AIM2: variants seen among roughly 807,000 people sequenced by gnomAD.
AIM2 encodes the protein interferon-inducible protein AIM2.
AIM2 carries 30 observed loss-of-function variants against 27.7 expected under a neutral mutation model. That is an observed-to-expected ratio of 1.08 (90% CI 0.81 to 1.47). The LOEUF (loss-of-function observed/expected upper bound fraction) is 1.47, where lower values mean the gene tolerates loss of function less well. Among genes scored for constraint, AIM2 ranks in the 40% most tolerant of loss-of-function variants. The pLI, the probability that AIM2 is intolerant of heterozygous loss-of-function variation, is 0.00. For missense variants in AIM2, 358 were observed against 411.3 expected, an observed-to-expected ratio of 0.87 and a Z score of 1.12; for synonymous variants, 141 against 145.3, an observed-to-expected ratio of 0.97 and a Z score of 0.21.
chr1:159,129,292 C>T (rs945034867), intron 1 of AIM2, among the ~76,000 whole-genome samples: 2 of 152,174 alleles, frequency 1.3e-5, no homozygotes, highest in Non-Finnish European at 2.9e-5. Context: ...GGTTCCAAAA[C>T]TTTGACAGAA....
At chr1:159,097,848 GCACTGAAAC>G (rs1325228464) in intron 1 of AIM2, among the ~76,000 whole-genome samples, 4 of 152,194 alleles carry the variant, frequency 2.6e-5, no homozygotes. Flanking sequence ...AGAATTGCAG[GCACTGAAAC>G]CACTCAACCA....
chr1:159,059,266 C>A (rs1557887813), downstream of AIM2, among the ~76,000 whole-genome samples: 1 of 151,346 alleles, frequency 6.6e-6, no homozygotes, highest in Non-Finnish European at 1.5e-5. Context: ...CACACACACA[C>A]CAAACACACA....
intron 1 of AIM2, among the ~76,000 whole-genome samples, chr1:159,108,556 G>A (rs2102025866): frequency 6.6e-6 from 1 of 152,230 alleles, no homozygotes; most frequent in Admixed American, 6.5e-5. Context: ...AATCAGACAA[G>A]AGAAAGAAAT....
chr1:159,089,624 A>G (rs1217896143), intron 1 of AIM2, among the ~76,000 whole-genome samples: 1 of 152,208 alleles, frequency 6.6e-6, no homozygotes, highest in Non-Finnish European at 1.5e-5. Context: ...AGGATAGCTG[A>G]ATGCAAAACC....
In AIM2 at chr1:159,063,606, C is replaced by T. The variant is rs1655944093; in HGVS notation, c.885G>A (p.Gly295=). ...ATTTCATTGTGTCCTCGTTTCTAACCCCCAGTACTTCCATTTTCCCAGTGT... is the reference window on the plus strand; with the variant it reads ...ATTTCATTGTGTCCTCGTTTCTAACTCCCAGTACTTCCATTTTCCCAGTGT... The part of the protein sequence containing the change: ...SDNTGKMEVL[G]VRNEDTMKCK... The change falls in exon 5 of 6, where the codon GGG becomes GGA. Residue 295 remains glycine, a synonymous_variant. Transcript: ENST00000368130. The T allele has an allele frequency of 6.2e-7, 1 of 1,613,952 alleles. No homozygotes were observed. The highest frequency in any genetic ancestry group is 1.3e-5 in the African/African-American group (1 of 74,886).
At chr1:159,143,362 C>T (rs1648147487), upstream of AIM2, among the ~76,000 whole-genome samples, 2 of 152,068 alleles carry the variant, frequency 1.3e-5, no homozygotes, top group Admixed American at 1.3e-4. Flanking sequence ...CTGATTGTGT[C>T]TATTATAGAC....
At chr1:159,064,858 A>G (rs1255647985) in intron 4 of AIM2, among the ~76,000 whole-genome samples, 1 of 152,216 alleles carries the variant, frequency 6.6e-6, no homozygotes, top group Non-Finnish European at 1.5e-5. Flanking sequence ...GACAAGAAAC[A>G]ATTCACAATC....
the AIM2 span, among the ~76,000 whole-genome samples, chr1:159,055,338 A>T: frequency 6.6e-6 from 1 of 152,204 alleles, no homozygotes; most frequent in Non-Finnish European, 1.5e-5. Context: ...GAAAGAAACC[A>T]GGCTAAAGGG....
intron 1 of AIM2, among the ~76,000 whole-genome samples, chr1:159,124,535 T>C (rs547936438): frequency 6.6e-6 from 1 of 152,354 alleles, no homozygotes; most frequent in Non-Finnish European, 1.5e-5. Context: ...GTTTATTTAC[T>C]AAAGTAGAGG....
chr1:159,073,439 C>T lies in AIM2; in HGVS notation c.61G>A (p.Glu21Lys), dbSNP rs201119668. 3.7e-5 allele frequency: 59 copies of T among 1,614,126 alleles called. No individual in the cohort carries two copies. In the East Asian group the frequency reaches 1.2e-3, roughly 34 times the overall value. ...LTGLDNITDE[E>K]LDRFKFFLSD... ...AGAAAGAACTTAAACCTATCCAGTT[C>T]CTCATCAGTGATGTTATCCAGGCCT... Residue 21 changes from glutamate (E) to lysine (K), a missense_variant, in exon 2 of 6, where the codon GAA becomes AAA. By Grantham distance (56) the Glu-to-Lys change is moderately conservative. Transcript: ENST00000368130.
intron 1 of AIM2, among the ~76,000 whole-genome samples, chr1:159,133,505 C>A: frequency 6.6e-6 from 1 of 152,282 alleles, no homozygotes; most frequent in Non-Finnish European, 1.5e-5. Flanking sequence ...TGCCTATATG[C>A]ATTCTTTGTT....
At position 159,063,540 on chromosome 1, in the gene AIM2, C is replaced by T; in HGVS notation, c.951G>A (p.Leu317=). The change falls in exon 5 of 6, where the codon CTG becomes CTA. Residue 317 remains leucine, a synonymous_variant. Transcript: ENST00000368130. The part of the protein sequence containing the change: ...GDKVRLTFFT[L]SKNGEKLQLT... ...GCTGTAGTTTTTCTCCATTTTTTGA[C>T]AGTGTGAAGAATGTAAGTCGAACCT... 2 of 1,613,928 alleles carry T rather than the reference C, an allele frequency of 1.2e-6. No individual in the cohort carries two copies. Among genetic ancestry groups the T allele is most frequent in the East Asian group, 4.5e-5 (2 of 44,858 alleles).
chr1:159,119,080 C>T (rs558856769), intron 1 of AIM2, among the ~76,000 whole-genome samples: 17 of 152,164 alleles, frequency 1.1e-4, no homozygotes, highest in South Asian at 4.2e-4. Context: ...CCTTGGGATC[C>T]GCTCCTCTTT....
intron 1 of AIM2, among the ~76,000 whole-genome samples, chr1:159,098,449 T>C (rs1657225315): frequency 6.6e-6 from 1 of 151,600 alleles, no homozygotes; most frequent in Admixed American, 6.5e-5. Flanking sequence ...ATTTCTTCAG[T>C]CATGCTAGCC....
chr1:159,056,714 C>T, the AIM2 span, among the ~76,000 whole-genome samples: 67 of 63,918 alleles, frequency 1.0e-3, no homozygotes, highest in African/African-American at 2.8e-3. Context: ...AAAGCCCAAC[C>T]GGCAAAAAAA....
chr1:159,085,156 G>T (rs969853048), intron 1 of AIM2, among the ~76,000 whole-genome samples: 1 of 152,104 alleles, frequency 6.6e-6, no homozygotes, highest in African/African-American at 2.4e-5. Flanking sequence ...GGAGAGCCAG[G>T]TTCTCATGTT....
upstream of AIM2, among the ~76,000 whole-genome samples, chr1:159,144,425 T>G (rs1301351838): frequency 6.6e-6 from 1 of 152,178 alleles, no homozygotes; most frequent in Non-Finnish European, 1.5e-5. Flanking sequence ...AGCCTCTTGA[T>G]AGTGTCGATA....
intron 1 of AIM2, among the ~76,000 whole-genome samples, chr1:159,112,856 G>GCC (rs1657604931): frequency 6.6e-6 from 1 of 151,454 alleles, no homozygotes; most frequent in Non-Finnish European, 1.5e-5. Context: ...TTTTCTACTA[G>GCC]ACTTTTTTTT....
chr1:159,127,796 G>A (rs1459188414), intron 1 of AIM2, among the ~76,000 whole-genome samples: 1 of 152,108 alleles, frequency 6.6e-6, no homozygotes, highest in African/African-American at 2.4e-5. Context: ...ATTTCTCATA[G>A]CCTCCAGAAC....
Sources: gnomAD v4.1 joint callset for allele counts (sites outside exome capture counted in the v4.1 genomes callset) on GRCh38, gnomAD v4.1.1 for gene constraint, MANE v1.5 for transcripts, NCBI Gene and HGNC (gene_info 2026-07-23, HGNC 2026-07-21) for gene names.